The following MTA3 variants were observed in gnomAD, a reference collection of about 807,000 sequenced individuals.
MTA3 encodes the protein metastasis associated 1 family member 3, also known as metastasis-associated protein MTA3.
Under a neutral mutation model 83.5 loss-of-function variants are expected in MTA3, and 34 were observed. The ratio of observed to expected loss-of-function variants is 0.41; its 90% CI spans 0.31 to 0.54. The LOEUF is 0.54. MTA3 is among the 20% of genes least tolerant of loss of function. The pLI, the probability that MTA3 is intolerant of heterozygous loss-of-function variation, is 0.33. For synonymous variants in MTA3, 303 were observed against 252.7 expected, an observed-to-expected ratio of 1.20 and a Z score of -1.89; for missense variants, 761 against 726.4, an observed-to-expected ratio of 1.05 and a Z score of -0.55.
intron 4 of MTA3, among the ~76,000 whole-genome samples, chr2:42,609,818 G>C (rs1252317608): frequency 1.3e-5 from 2 of 152,176 alleles, no homozygotes; most frequent in African/African-American, 4.8e-5. Flanking sequence ...GACTTTCCTG[G>C]CCAGGCGCAG....
chr2:42,711,104 A>C (rs1404709223), intron 14 of MTA3, among the ~76,000 whole-genome samples: 1 of 151,626 alleles, frequency 6.6e-6, no homozygotes, highest in African/African-American at 2.4e-5. Flanking sequence ...AAAAATTAAA[A>C]AGTAAAACAT....
chr2:42,642,112 C>G (rs984673837), intron 5 of MTA3, among the ~76,000 whole-genome samples: 1 of 152,134 alleles, frequency 6.6e-6, no homozygotes, highest in East Asian at 1.9e-4. Flanking sequence ...ACTTTTAACT[C>G]TGTGTTCTTG....
chr2:42,576,711 A>T (rs879783590), intron 2 of MTA3, among the ~76,000 whole-genome samples: 1 of 152,078 alleles, frequency 6.6e-6, no homozygotes. Flanking sequence ...TAGCCTGGCC[A>T]ATGTGGTGAA....
intron 9 of MTA3, among the ~76,000 whole-genome samples, chr2:42,692,753 G>A (rs1313704939): frequency 6.6e-6 from 1 of 152,132 alleles, no homozygotes; most frequent in African/African-American, 2.4e-5. Context: ...CTGTCTGAAA[G>A]GTCACATGTC....
intron 16 of MTA3, among the ~76,000 whole-genome samples, chr2:42,735,861 G>A (rs947990352): frequency 6.6e-6 from 1 of 152,018 alleles, no homozygotes; most frequent in African/African-American, 2.4e-5. Context: ...GAATTCTGTT[G>A]TGCTTCCTCA....
chr2:42,633,796 G>T (rs1686920562), intron 4 of MTA3, among the ~76,000 whole-genome samples: 1 of 151,556 alleles, frequency 6.6e-6, no homozygotes, highest in African/African-American at 2.4e-5. Context: ...GGCTGAGGCA[G>T]GAGAATGGCG....
At chr2:42,614,358 A>G (rs1684592540) in intron 4 of MTA3, among the ~76,000 whole-genome samples, 1 of 152,176 alleles carries the variant, frequency 6.6e-6, no homozygotes, top group Non-Finnish European at 1.5e-5. Context: ...CAGTCTCCCA[A>G]AGTGCTGGGA....
chr2:42,738,796 C>G (rs982665682), intron 16 of MTA3, among the ~76,000 whole-genome samples: 1 of 152,190 alleles, frequency 6.6e-6, no homozygotes, highest in Non-Finnish European at 1.5e-5. Context: ...GAACTGGCCC[C>G]CCAGGGCGTA....
At chr2:42,560,878 G>T (rs765138658) in intron 2 of MTA3, among the ~76,000 whole-genome samples, 3 of 152,236 alleles carry the variant, frequency 2.0e-5, no homozygotes, top group Non-Finnish European at 2.9e-5. Context: ...CTGTACTTCA[G>T]CCTGGGTGAC....
chr2:42,618,283 C>G (rs1477139460), intron 4 of MTA3, among the ~76,000 whole-genome samples: 1 of 152,054 alleles, frequency 6.6e-6, no homozygotes, highest in South Asian at 2.1e-4. Context: ...AACGTAGTCA[C>G]GTTAAGTGTC....
intron 2 of MTA3, among the ~76,000 whole-genome samples, chr2:42,556,293 C>A (rs895343312): frequency 6.6e-5 from 10 of 152,238 alleles, no homozygotes; most frequent in African/African-American, 2.4e-4. Flanking sequence ...AAGCTGGGAG[C>A]TGATTCTGGA....
intron 2 of MTA3, among the ~76,000 whole-genome samples, chr2:42,524,750 C>G (rs1351758404): frequency 6.6e-6 from 1 of 150,820 alleles, no homozygotes; most frequent in Non-Finnish European, 1.5e-5. Flanking sequence ...TTCTTTGTCT[C>G]AGAACCTGAA....
chr2:42,632,216 A>G (rs530819161), intron 4 of MTA3, among the ~76,000 whole-genome samples: 72 of 151,258 alleles, frequency 4.8e-4, no homozygotes, highest in Non-Finnish European at 6.2e-4. Context: ...CAGCCTCCCA[A>G]GTAGCTGGGT....
chr2:42,622,318 A>ATTC (rs912064962), intron 4 of MTA3, among the ~76,000 whole-genome samples: 6 of 150,716 alleles, frequency 4.0e-5, no homozygotes, highest in Non-Finnish European at 7.4e-5. Context: ...AGGCAGGAGA[A>ATTC]TCAGACAGGG....
intron 14 of MTA3, among the ~76,000 whole-genome samples, chr2:42,715,419 T>C (rs1422186420): frequency 1.3e-5 from 2 of 148,916 alleles, no homozygotes; most frequent in East Asian, 3.9e-4. Context: ...TTTTTTTTTT[T>C]TTTTTTTTTT....
chr2:42,495,591 A>G (rs1421114851), intron 2 of MTA3, among the ~76,000 whole-genome samples: 1 of 152,162 alleles, frequency 6.6e-6, no homozygotes, highest in African/African-American at 2.4e-5. Flanking sequence ...AGAAAGGGCA[A>G]AACATTCCTA....
chr2:42,741,638 A>G (rs1428865232), intron 16 of MTA3, among the ~76,000 whole-genome samples: 1 of 152,188 alleles, frequency 6.6e-6, no homozygotes, highest in Non-Finnish European at 1.5e-5. Flanking sequence ...AAGGACAGTC[A>G]CTGGAGCAGT....
chr2:42,670,411 G>C (rs1163598157), intron 8 of MTA3, among the ~76,000 whole-genome samples: 3 of 152,110 alleles, frequency 2.0e-5, no homozygotes, highest in African/African-American at 7.2e-5. Context: ...ACACAAATTA[G>C]AGAATTTAGT....
At chr2:42,594,729 T>TATATATA (rs1491154379) in intron 3 of MTA3, among the ~76,000 whole-genome samples, 2 of 19,158 alleles carry the variant, frequency 1.0e-4, no homozygotes, top group African/African-American at 1.0e-3. Flanking sequence ...TATATATATA[T>TATATATA]TTTTTTTTTT....
Sources: gnomAD v4.1 joint callset for allele counts (sites outside exome capture counted in the v4.1 genomes callset) on GRCh38, gnomAD v4.1.1 for gene constraint, MANE v1.5 for transcripts, NCBI Gene and HGNC (gene_info 2026-07-23, HGNC 2026-07-21) for gene names.